Variants in SLC2A13 observed in about 807,000 individuals in gnomAD.
The protein encoded by SLC2A13 is solute carrier family 2 member 13.
A neutral mutation model predicts 64.4 loss-of-function variants in SLC2A13; 32 were observed. The ratio of observed to expected loss-of-function variants is 0.50; its 90% CI spans 0.37 to 0.67. SLC2A13 has a LOEUF of 0.67. Ranked by LOEUF, SLC2A13 falls within the 30% of genes least tolerant of loss-of-function variation. The pLI is 0.00. For synonymous variants in SLC2A13, 338 were observed against 327.1 expected, an observed-to-expected ratio of 1.03 and a Z score of -0.36; for missense variants, 743 against 829.2, an observed-to-expected ratio of 0.90 and a Z score of 1.28.
At chr12:39,797,434 T>C (rs917977614) in intron 7 of SLC2A13, among the ~76,000 whole-genome samples, 1 of 152,214 alleles carries the variant, frequency 6.6e-6, no homozygotes, top group African/African-American at 2.4e-5. Flanking sequence ...TAGCAGAATA[T>C]GGTTTTCTAT....
In SLC2A13 at chr12:40,034,417, C is replaced by G. The variant is rs536520334; in HGVS notation, c.717-5908G>C. 3.7e-3 allele frequency among the ~76,000 whole-genome samples: 557 copies of G among 152,284 alleles called. 1 individual carries two copies. Among genetic ancestry groups the G allele is most frequent in the Non-Finnish European group, 7.1e-3 (486 of 68,024 alleles). Reference sequence around the variant, plus strand: ...GTTAATCTTGATACTTTCTGAAACACTAAGATTGGCTCACTGACAATCTCT... The same window carrying G: ...GTTAATCTTGATACTTTCTGAAACAGTAAGATTGGCTCACTGACAATCTCT... On this transcript the variant is annotated intron_variant, in intron 2 of 9. Coordinates refer to ENST00000280871, the MANE Select transcript of SLC2A13 (RefSeq NM_052885.4).
chr12:40,046,486 T>G (rs1354969068), intron 2 of SLC2A13, among the ~76,000 whole-genome samples: 1 of 152,208 alleles, frequency 6.6e-6, no homozygotes, highest in African/African-American at 2.4e-5. Context: ...AATAAAAATT[T>G]TTAACAAAAT....
chr12:40,064,279 G>A (rs891762483), intron 1 of SLC2A13, among the ~76,000 whole-genome samples: 3 of 151,802 alleles, frequency 2.0e-5, no homozygotes, highest in African/African-American at 7.3e-5. Context: ...TGTGTATTGT[G>A]TATACATATA....
chr12:39,881,432 CTTTT>C (rs146495353), intron 4 of SLC2A13, among the ~76,000 whole-genome samples: 2,982 of 152,286 alleles, frequency 0.02, 33 homozygotes, highest in Non-Finnish European at 0.032. Flanking sequence ...TCACGACTGT[CTTTT>C]TCAGTTTACT....
intron 7 of SLC2A13, among the ~76,000 whole-genome samples, chr12:39,773,413 A>G (rs1269817076): frequency 6.6e-6 from 1 of 152,204 alleles, no homozygotes; most frequent in Admixed American, 6.5e-5. Context: ...AACTCCCTTT[A>G]GTAATAACAT....
chr12:40,092,491 T>C (rs1269468596), intron 1 of SLC2A13, among the ~76,000 whole-genome samples: 1 of 152,172 alleles, frequency 6.6e-6, no homozygotes, highest in African/African-American at 2.4e-5. Flanking sequence ...ATTCCACATA[T>C]GTAATACCAT....
intron 7 of SLC2A13, among the ~76,000 whole-genome samples, chr12:39,813,667 C>T (rs1344736685): frequency 6.6e-6 from 1 of 152,144 alleles, no homozygotes; most frequent in South Asian, 2.1e-4. Context: ...TCAAATAAGG[C>T]CCATTCCTTG....
Position 39,759,733 on chromosome 12 carries a change from T to A in SLC2A13, c.*293A>T, listed in dbSNP as rs1055967197. Reference sequence around the variant, plus strand: ...TGGTCTTAGGAAAAAAGGATACCACTGAAGTCACTGGGTACAATATTCATT... The same window carrying A: ...TGGTCTTAGGAAAAAAGGATACCACAGAAGTCACTGGGTACAATATTCATT... On this transcript the variant is annotated 3_prime_UTR_variant, in exon 10 of 10. Coordinates refer to ENST00000280871, the MANE Select transcript of SLC2A13 (RefSeq NM_052885.4). 6.6e-6 allele frequency: 2 copies of A among 304,532 alleles called. No individual in the cohort carries two copies. The allele number at this position is 304,532 out of a possible 1,614,324, so 18.9% of individuals were successfully genotyped here.
chr12:40,073,894 G>C (rs1938063391), intron 1 of SLC2A13, among the ~76,000 whole-genome samples: 1 of 151,936 alleles, frequency 6.6e-6, no homozygotes, highest in South Asian at 2.1e-4. Context: ...TTGTCAACTA[G>C]GAAATTGTAG....
At chr12:39,862,959 C>T (rs917199221) in intron 6 of SLC2A13, among the ~76,000 whole-genome samples, 1 of 152,100 alleles carries the variant, frequency 6.6e-6, no homozygotes, top group Non-Finnish European at 1.5e-5. Context: ...ACCATAAAAA[C>T]CCAGTAAGCG....
chr12:39,930,140 A>C (rs1874558), intron 4 of SLC2A13, among the ~76,000 whole-genome samples: 8,681 of 151,934 alleles, frequency 0.057, 388 homozygotes, highest in Middle Eastern at 0.14. Flanking sequence ...CAAAAAAAAA[A>C]AAAAACCAAA....
chr12:39,927,106 T>C (rs1397859771), intron 4 of SLC2A13, among the ~76,000 whole-genome samples: 3 of 152,194 alleles, frequency 2.0e-5, no homozygotes, highest in Non-Finnish European at 1.5e-5. Context: ...CACTTTGCAC[T>C]AAGTATTTTA....
At chr12:39,948,121 C>T (rs1006099295) in intron 4 of SLC2A13, among the ~76,000 whole-genome samples, 7 of 152,064 alleles carry the variant, frequency 4.6e-5, no homozygotes, top group Non-Finnish European at 1.0e-4. Flanking sequence ...TCTACTCTTT[C>T]TCTCCTATGA....
chr12:39,864,644 T>G, intron 6 of SLC2A13, 118 bp downstream of exon 6: 1 of 1,360,698 alleles, frequency 7.3e-7, no homozygotes, highest in Non-Finnish European at 9.9e-7. Flanking sequence ...CTTCCCTTCT[T>G]ACATAAGCCT....
intron 3 of SLC2A13, among the ~76,000 whole-genome samples, chr12:39,970,202 G>A (rs1410954547): frequency 6.6e-6 from 1 of 152,116 alleles, no homozygotes; most frequent in Non-Finnish European, 1.5e-5. Flanking sequence ...GGTTACTGTA[G>A]CCTTGTAGTA....
chr12:40,102,779 T>C lies in SLC2A13; in HGVS notation c.556+2474A>G, dbSNP rs535571876. Among the ~76,000 whole-genome samples, 11 of 152,330 alleles carry C rather than the reference T, an allele frequency of 7.2e-5. No homozygotes were observed. In the South Asian group the frequency reaches 2.1e-3, roughly 29 times the overall value. On this transcript the variant is annotated intron_variant, in intron 1 of 9. Transcript: ENST00000280871. ...TTTAATGTCCCTCAAAAAATGCTCA[T>C]GTTAGGAACCCATTTCCTTGTAGCT...
chr12:40,085,466 A>G (rs1276893304), intron 1 of SLC2A13, among the ~76,000 whole-genome samples: 2 of 152,172 alleles, frequency 1.3e-5, no homozygotes, highest in Admixed American at 1.3e-4. Context: ...CTAGGGTGAC[A>G]GTGTGAGAAC....
At chr12:39,899,729 T>A (rs1484288786) in intron 4 of SLC2A13, among the ~76,000 whole-genome samples, 1 of 152,220 alleles carries the variant, frequency 6.6e-6, no homozygotes, top group African/African-American at 2.4e-5. Context: ...TGCCTTCATT[T>A]ATTTATGTAC....
intron 4 of SLC2A13, among the ~76,000 whole-genome samples, chr12:39,943,629 C>T (rs950680379): frequency 2.6e-5 from 4 of 152,134 alleles, no homozygotes; most frequent in South Asian, 2.1e-4. Flanking sequence ...TATCCCAGGT[C>T]GATTTCAGAC....
Sources: allele counts gnomAD v4.1 joint callset (sites outside exome capture counted in the v4.1 genomes callset), GRCh38; gene constraint gnomAD v4.1.1; transcripts MANE v1.5; gene names NCBI Gene and HGNC (gene_info 2026-07-23, HGNC 2026-07-21).